Variants in UBE3A observed in about 807,000 individuals in gnomAD.
UBE3A encodes the protein ubiquitin-protein ligase E3A.
Under a neutral mutation model 83.4 loss-of-function variants are expected in UBE3A, and 6 were observed. The observed-to-expected ratio is 0.07, with a 90% confidence interval of 0.04 to 0.14. UBE3A has a LOEUF of 0.14. Ranked by LOEUF, UBE3A falls within the 10% of genes least tolerant of loss-of-function variation. UBE3A has a pLI of 1.00. For synonymous variants in UBE3A, 337 were observed against 355.4 expected, an observed-to-expected ratio of 0.95 and a Z score of 0.58; for missense variants, 456 against 1,036.1, an observed-to-expected ratio of 0.44 and a Z score of 7.69.
Position 25,427,486 on chromosome 15 carries a change from T to C in UBE3A, c.-165+11003A>G, listed in dbSNP as rs572557536. ...AACCCTATCAAAGCAAAATTTTAAATAGAAAGCACTCTTCTATTTCAAAAT... is the reference window on the plus strand; with the variant it reads ...AACCCTATCAAAGCAAAATTTTAAACAGAAAGCACTCTTCTATTTCAAAAT... On this transcript the variant is annotated intron_variant, in intron 1 of 12. Coordinates refer to ENST00000648336, the MANE Select transcript of UBE3A (RefSeq NM_130839.5). Among the ~76,000 whole-genome samples the C allele has an allele frequency of 1.3e-4, 19 of 150,586 alleles. No homozygotes were observed. The South Asian group carries it at 3.1e-3, about 25-fold the overall frequency.
At chr15:25,367,173 AT>A in intron 6 of UBE3A, among the ~76,000 whole-genome samples, 1 of 105,752 alleles carries the variant, frequency 9.5e-6, no homozygotes, top group African/African-American at 5.1e-5. Flanking sequence ...GTATATTTAC[AT>A]ATTTGTAAAT....
intron 2 of UBE3A, among the ~76,000 whole-genome samples, chr15:25,409,978 ACT>A (rs1173068504): frequency 7.8e-6 from 1 of 128,140 alleles, no homozygotes; most frequent in Non-Finnish European, 1.6e-5. Flanking sequence ...GGAACATCAC[ACT>A]CTGGGGACTG....
intron 3 of UBE3A, chr15:25,408,516 G>C: frequency 1.4e-6 from 2 of 1,392,736 alleles, no homozygotes; most frequent in East Asian, 4.6e-5. Flanking sequence ...CTCAGAATGA[G>C]AATCAATTTT....
chr15:25,370,529 C>G lies in UBE3A; in HGVS notation c.1608+37G>C, dbSNP rs1292422526. 1.2e-6 allele frequency: 2 copies of G among 1,612,104 alleles called. No homozygotes were observed. The highest frequency in any genetic ancestry group is 1.7e-6 in the Non-Finnish European group (2 of 1,178,408). On this transcript the variant is annotated intron_variant, in intron 6 of 12. Transcript: ENST00000648336. This position sits in a 1 kb window ranked among gnomAD's most constrained non-coding sequence, Gnocchi z 4.2. ...ATTCACTGAACTGTATCATGATATC[C>G]CCATTATTAGGTTTTTAATCTAGCA... is the stretch of plus-strand genomic sequence containing the variant.
intron 6 of UBE3A, among the ~76,000 whole-genome samples, chr15:25,361,040 T>C (rs2077991080): frequency 6.6e-6 from 1 of 151,974 alleles, no homozygotes; most frequent in South Asian, 2.1e-4. Context: ...TTAGTATAAA[T>C]TACCACCTTT....
intron 11 of UBE3A, among the ~76,000 whole-genome samples, chr15:25,347,391 G>A (rs757381173): frequency 1.4e-4 from 21 of 152,212 alleles, no homozygotes; most frequent in Middle Eastern, 3.4e-3. Context: ...CACAATGACC[G>A]TGAAAACAAC....
chr15:25,342,952 G>GTAC (rs1233323418), intron 11 of UBE3A, among the ~76,000 whole-genome samples: 1 of 152,126 alleles, frequency 6.6e-6, no homozygotes, highest in Non-Finnish European at 1.5e-5. Context: ...AGGAAGGGGG[G>GTAC]TACCTTCAAA....
chr15:25,398,762 T>C (rs777280858), intron 4 of UBE3A, among the ~76,000 whole-genome samples: 9 of 126,052 alleles, frequency 7.1e-5, no homozygotes, highest in Admixed American at 1.6e-4. Flanking sequence ...ACTGATTTTA[T>C]TCTTTTATTT....
chr15:25,395,048 G>A (rs1183184486), intron 4 of UBE3A, among the ~76,000 whole-genome samples: 1 of 152,294 alleles, frequency 6.6e-6, no homozygotes, highest in African/African-American at 2.4e-5. Context: ...CATCATTTGA[G>A]CAGAGAGCTC....
chr15:25,427,945 G>A (rs1891886880), intron 1 of UBE3A, among the ~76,000 whole-genome samples: 1 of 152,008 alleles, frequency 6.6e-6, no homozygotes, highest in Admixed American at 6.6e-5. Context: ...GAACACGGAT[G>A]GAACAAGAAG....
chr15:25,357,216 A>G, intron 7 of UBE3A: 1 of 202,036 alleles, frequency 4.9e-6, no homozygotes, highest in Non-Finnish European at 1.0e-5. Flanking sequence ...AAGAAAAGTT[A>G]TATTCATGCT....
chr15:25,347,923 GACTA>G (rs1387710807), intron 11 of UBE3A, among the ~76,000 whole-genome samples: 2 of 151,874 alleles, frequency 1.3e-5, no homozygotes, highest in Non-Finnish European at 2.9e-5. Flanking sequence ...AAAAGGCAGA[GACTA>G]ACAGTTTTTA....
At chr15:25,411,843 T>C (rs2090057601) in intron 2 of UBE3A, 65 bp downstream of exon 2, 1 of 152,208 alleles carries the variant, frequency 6.6e-6, no homozygotes, top group African/African-American at 2.4e-5. Context: ...TGAACACATC[T>C]GTCATTATTA....
At chr15:25,367,201 A>AC (rs2079318672) in intron 6 of UBE3A, among the ~76,000 whole-genome samples, 3 of 100,582 alleles carry the variant, frequency 3.0e-5, no homozygotes, top group Admixed American at 1.7e-4. Context: ...ATATTTACAT[A>AC]TTTGTAAATA....
intron 11 of UBE3A, among the ~76,000 whole-genome samples, chr15:25,353,205 GCTAAGAGT>G (rs1216234657): frequency 1.3e-5 from 2 of 152,164 alleles, no homozygotes; most frequent in African/African-American, 4.8e-5. Flanking sequence ...CACAGAGGTT[GCTAAGAGT>G]AAATACATTC....
intron 1 of UBE3A, among the ~76,000 whole-genome samples, chr15:25,426,662 C>T (rs550207501): frequency 1.3e-5 from 2 of 152,226 alleles, no homozygotes; most frequent in South Asian, 4.1e-4. Flanking sequence ...AACTTCAAAA[C>T]GCTTTTCAAA....
chr15:25,354,469 C>T, intron 10 of UBE3A, 43 bp from the exon 11 acceptor site: 1 of 1,612,062 alleles, frequency 6.2e-7, no homozygotes, highest in South Asian at 1.1e-5. Context: ...TGCTATACTA[C>T]TGTATCATTA....
chr15:25,403,356 A>G (rs2087641294), intron 4 of UBE3A, among the ~76,000 whole-genome samples: 1 of 152,206 alleles, frequency 6.6e-6, no homozygotes, highest in African/African-American at 2.4e-5. Context: ...TTATTAAAAA[A>G]TGTTTCATAA....
chr15:25,399,854 C>T (rs190715373), intron 4 of UBE3A, among the ~76,000 whole-genome samples: 13 of 152,084 alleles, frequency 8.5e-5, no homozygotes, highest in African/African-American at 2.2e-4. Flanking sequence ...TGGGAATACA[C>T]GTGTGAGCAA....
Sources: allele counts gnomAD v4.1 joint callset (sites outside exome capture counted in the v4.1 genomes callset), GRCh38; gene constraint gnomAD v4.1.1; non-coding constraint Gnocchi (gnomAD v3.1); transcripts MANE v1.5; gene names NCBI Gene and HGNC (gene_info 2026-07-23, HGNC 2026-07-21).